SYN3: variants seen among roughly 807,000 people sequenced by gnomAD.
SYN3 encodes synapsin III.
In SYN3, 35 loss-of-function variants were observed where a neutral mutation model predicts 65.8. That is an observed-to-expected ratio of 0.53 (90% CI 0.41 to 0.70). The LOEUF is 0.70. SYN3 is among the 30% of genes least tolerant of loss of function. The pLI is 0.00. For missense variants in SYN3, 680 were observed against 749.0 expected, an observed-to-expected ratio of 0.91 and a Z score of 1.08; for synonymous variants, 270 against 292.9, an observed-to-expected ratio of 0.92 and a Z score of 0.80.
rs979424554 is a variant in SYN3, at chr22:32,511,336, C to A, written c.*2356G>T. Among the ~76,000 whole-genome samples the A allele has an allele frequency of 7.2e-5, 11 of 152,204 alleles. No individual in the cohort carries two copies. The highest frequency in any genetic ancestry group is 1.5e-4 in the Non-Finnish European group (10 of 68,050). ...TGGGATATTGACCCCAGGACCCCCA[C>A]CTCCACCCACCTTGGGGGTCTAGAA... On this transcript the variant is annotated 3_prime_UTR_variant, in exon 14 of 14. Transcript: ENST00000358763.
chr22:32,837,904 T>C lies in SYN3; in HGVS notation c.711+27011A>G, dbSNP rs1423388319. ...TCTGTCTCTCCAATGGGCTGGACTC[T>C]CCAGCCTCCGGGCCTCTGCCCAACC... On this transcript the variant is annotated intron_variant, in intron 6 of 13. Transcript: ENST00000358763. The surrounding 1 kb of genome is among the most constrained non-coding windows in gnomAD (Gnocchi z 4.1). Among the ~76,000 whole-genome samples the C allele has an allele frequency of 2.6e-5, 4 of 152,200 alleles. No individual in the cohort carries two copies. Among genetic ancestry groups the C allele is most frequent in the Non-Finnish European group, 5.9e-5 (4 of 68,036 alleles).
At chr22:32,565,147 GGGCTGCACCCAAAC>G (rs2058654582) in intron 7 of SYN3, among the ~76,000 whole-genome samples, 1 of 151,578 alleles carries the variant, frequency 6.6e-6, no homozygotes, top group South Asian at 2.1e-4. Flanking sequence ...CAGTGCTCCT[GGGCTGCACCCAAAC>G]AGTGCTCTCG....
In SYN3 at chr22:32,513,403, G is replaced by A; in HGVS notation, c.*289C>T. The A allele has an allele frequency of 3.3e-6, 1 of 300,798 alleles. No individual in the cohort carries two copies. The highest frequency in any genetic ancestry group is 6.2e-6 in the Non-Finnish European group (1 of 161,512). The allele number at this position is 300,798 out of a possible 1,614,324, so 18.6% of individuals were successfully genotyped here. Reference sequence around the variant, plus strand: ...GACATCTCACTTGGTTATCTGGCAGGTAAGCAGGCACGTGGGTAGGCAGAG... The same window carrying A: ...GACATCTCACTTGGTTATCTGGCAGATAAGCAGGCACGTGGGTAGGCAGAG... On this transcript the variant is annotated 3_prime_UTR_variant, in exon 14 of 14. Coordinates refer to ENST00000358763, the MANE Select transcript of SYN3 (RefSeq NM_003490.4).
In SYN3 at chr22:32,631,469, A is replaced by G. The variant is rs568858019; in HGVS notation, c.712-34733T>C. ...TTAAGGCTGAAGTCTGCAAATCCTA[A>G]AGTTCCTTCAGGGACAAGAAGGAAA... On this transcript the variant is annotated intron_variant, in intron 6 of 13. Transcript: ENST00000358763. 8.5e-5 allele frequency among the ~76,000 whole-genome samples: 13 copies of G among 152,268 alleles called. No individual in the cohort carries two copies. In the East Asian group the frequency reaches 2.3e-3, roughly 27 times the overall value.
chr22:32,978,836 T>C (rs1171053613), intron 3 of SYN3, among the ~76,000 whole-genome samples: 1 of 152,090 alleles, frequency 6.6e-6, no homozygotes, highest in Non-Finnish European at 1.5e-5. Flanking sequence ...TAATATGGCA[T>C]CTAGCAAATA....
At chr22:32,906,669 C>T (rs919949490) in intron 4 of SYN3, among the ~76,000 whole-genome samples, 2 of 152,038 alleles carry the variant, frequency 1.3e-5, no homozygotes, top group African/African-American at 4.8e-5. Flanking sequence ...CCCCCCACCC[C>T]CCGACAGGCC....
At chr22:32,675,750 G>T (rs1359856079) in intron 6 of SYN3, among the ~76,000 whole-genome samples, 2 of 151,444 alleles carry the variant, frequency 1.3e-5, no homozygotes, top group African/African-American at 4.8e-5. Context: ...GCCTGCTTTT[G>T]TTGTTTTTCT....
intron 4 of SYN3, among the ~76,000 whole-genome samples, chr22:32,885,010 T>C (rs1293414265): frequency 6.6e-6 from 1 of 152,244 alleles, no homozygotes; most frequent in African/African-American, 2.4e-5. Flanking sequence ...TTAGGTTGTT[T>C]CTAAGCTTTA....
chr22:32,750,396 T>C (rs1282260930), intron 6 of SYN3, among the ~76,000 whole-genome samples: 1 of 152,054 alleles, frequency 6.6e-6, no homozygotes, highest in Admixed American at 6.5e-5. Context: ...GCACACCTGT[T>C]GTGTTCAGAC....
Position 33,036,801 on chromosome 22 carries a change from C to T in SYN3, c.-163+21491G>A, listed in dbSNP as rs990757812. On this transcript the variant is annotated intron_variant, in intron 1 of 13. Transcript: ENST00000358763. Reference sequence around the variant, plus strand: ...CCGCCTCCCAGGTTCAATTGATTCTCCTGCCTCAGCCTCCTGAGTAGCTGG... The same window carrying T: ...CCGCCTCCCAGGTTCAATTGATTCTTCTGCCTCAGCCTCCTGAGTAGCTGG... Among the ~76,000 whole-genome samples, 19 of 150,714 alleles carry T rather than the reference C, an allele frequency of 1.3e-4. No homozygotes were observed. In the Admixed American group the frequency reaches 1.3e-3, roughly 10 times the overall value.
At chr22:33,034,446 C>T (rs895874904) in intron 1 of SYN3, among the ~76,000 whole-genome samples, 2 of 151,860 alleles carry the variant, frequency 1.3e-5, no homozygotes, top group East Asian at 4.0e-4. Flanking sequence ...CGGGGTTTCA[C>T]GATGTTGGCC....
At chr22:32,700,759 A>G (rs2060800886) in intron 6 of SYN3, among the ~76,000 whole-genome samples, 1 of 152,190 alleles carries the variant, frequency 6.6e-6, no homozygotes, top group Admixed American at 6.5e-5. Flanking sequence ...ATGTAATAGG[A>G]AGCAGCCTCA....
intron 4 of SYN3, among the ~76,000 whole-genome samples, chr22:32,915,168 T>TCAAC (rs2050154933): frequency 6.6e-6 from 1 of 152,190 alleles, no homozygotes; most frequent in Non-Finnish European, 1.5e-5. Flanking sequence ...AAATACCTAA[T>TCAAC]GTAGATGATG....
At position 32,726,183 on chromosome 22, in the gene SYN3, A is replaced by AC. The variant is rs544758339; in HGVS notation, c.712-129448dup. On this transcript the variant is annotated intron_variant, in intron 6 of 13. Transcript: ENST00000358763. The stretch of plus-strand genomic sequence containing the variant: ...TTTTGAGATGAAGTCTCACTCTGTC[A>AC]CCAGGCTGGAGTGCAGTGGCACGAT... Among the ~76,000 whole-genome samples, 55 of 151,884 alleles carry AC rather than the reference A, an allele frequency of 3.6e-4. No homozygotes were observed. In the East Asian group the frequency reaches 8.9e-3, roughly 25 times the overall value.
At position 32,665,022 on chromosome 22, in the gene SYN3, C is replaced by G; in HGVS notation, c.712-68286G>C. Among the ~76,000 whole-genome samples, 3 of 80,378 alleles carry G rather than the reference C, an allele frequency of 3.7e-5. 1 individual carries two copies. Among genetic ancestry groups the G allele is most frequent in the African/African-American group, 1.0e-4 (2 of 19,082 alleles). 52.7% of individuals were successfully genotyped at this position (80,378 alleles called of 152,430 possible). On this transcript the variant is annotated intron_variant, in intron 6 of 13. Transcript: ENST00000358763. ...TTTTTTTTTTTTTTTTTTTTTGGGGCAGAGCCTGTTCTGTCACCCAGGTTA... is the reference window on the plus strand; with the variant it reads ...TTTTTTTTTTTTTTTTTTTTTGGGGGAGAGCCTGTTCTGTCACCCAGGTTA...
chr22:33,051,119 C>T (rs760348916), intron 1 of SYN3, among the ~76,000 whole-genome samples: 2 of 152,120 alleles, frequency 1.3e-5, no homozygotes, highest in African/African-American at 4.8e-5. Context: ...AACTGAGGCT[C>T]AGAAACGTTC....
chr22:32,786,869 G>A (rs2046206841), intron 6 of SYN3, among the ~76,000 whole-genome samples: 1 of 151,970 alleles, frequency 6.6e-6, no homozygotes, highest in African/African-American at 2.4e-5. Flanking sequence ...CACAGGTCCT[G>A]CTTGGCTACA....
chr22:32,698,844 G>A (rs1288000125), intron 6 of SYN3, among the ~76,000 whole-genome samples: 3 of 152,192 alleles, frequency 2.0e-5, no homozygotes, highest in African/African-American at 7.2e-5. Flanking sequence ...ACTTGAAGAA[G>A]ATATGGGACA....
At chr22:33,026,287 T>C (rs1304632954) in intron 1 of SYN3, among the ~76,000 whole-genome samples, 2 of 152,152 alleles carry the variant, frequency 1.3e-5, no homozygotes, top group Non-Finnish European at 2.9e-5. Flanking sequence ...CCTTAGTTAA[T>C]AACAGAATAA....
Sources: gnomAD v4.1 joint callset for allele counts (sites outside exome capture counted in the v4.1 genomes callset) on GRCh38, gnomAD v4.1.1 for gene constraint, Gnocchi (gnomAD v3.1) non-coding constraint, MANE v1.5 for transcripts, NCBI Gene and HGNC (gene_info 2026-07-23, HGNC 2026-07-21) for gene names.